SEMA6D: variants seen among roughly 807,000 people sequenced by gnomAD.
SEMA6D encodes semaphorin 6D.
A neutral mutation model predicts 106.6 loss-of-function variants in SEMA6D; 35 were observed. The observed-to-expected ratio is 0.33, with a 90% CI of 0.25 to 0.44. The LOEUF (loss-of-function observed/expected upper bound fraction) is 0.44. Ranked by LOEUF, SEMA6D falls within the 20% of genes least tolerant of loss-of-function variation. The pLI, the probability that SEMA6D is intolerant of heterozygous loss-of-function variation, is 1.00. For synonymous variants in SEMA6D, 499 were observed against 487.7 expected (o/e 1.02, Z -0.31); for missense variants, 1,185 against 1,345.9 (o/e 0.88, Z 1.87).
chr15:47,344,230 C>G (rs765369754), intron 1 of SEMA6D, among the ~76,000 whole-genome samples: 3 of 152,146 alleles, frequency 2.0e-5, no homozygotes, highest in Non-Finnish European at 2.9e-5. Context: ...AATCTTATCA[C>G]TACTGTGTTA....
intron 3 of SEMA6D, among the ~76,000 whole-genome samples, chr15:47,534,268 G>A (rs925421243): frequency 2.6e-5 from 4 of 152,000 alleles, no homozygotes; most frequent in South Asian, 2.1e-4. Context: ...TCGGCTCACT[G>A]CAACCTCTGC....
intron 1 of SEMA6D, among the ~76,000 whole-genome samples, chr15:47,191,678 A>T (rs117275626): frequency 0.028 from 4,300 of 152,336 alleles, 105 homozygotes; most frequent in Middle Eastern, 0.11. Context: ...GAAAAATTAA[A>T]TGTATCAAAT....
chr15:47,361,747 T>A (rs773435461), intron 1 of SEMA6D, among the ~76,000 whole-genome samples: 2 of 152,182 alleles, frequency 1.3e-5, no homozygotes, highest in Non-Finnish European at 2.9e-5. Flanking sequence ...GTGCCTCTAT[T>A]GCAGACTACC....
chr15:47,690,454 G>T (rs930075097), intron 4 of SEMA6D, among the ~76,000 whole-genome samples: 1 of 152,118 alleles, frequency 6.6e-6, no homozygotes, highest in Non-Finnish European at 1.5e-5. Context: ...TCTCCACAAA[G>T]AACTCATTTT....
intron 1 of SEMA6D, among the ~76,000 whole-genome samples, chr15:47,258,922 T>C (rs1484529283): frequency 1.3e-5 from 2 of 152,186 alleles, no homozygotes; most frequent in Non-Finnish European, 2.9e-5. Context: ...TCTTGCCTTC[T>C]GTGTATTACT....
intron 4 of SEMA6D, among the ~76,000 whole-genome samples, chr15:47,652,489 T>C (rs1341586652): frequency 6.6e-6 from 1 of 152,194 alleles, no homozygotes; most frequent in African/African-American, 2.4e-5. Flanking sequence ...CCGCTCCCCT[T>C]CTTCAAAAAC....
At chr15:47,764,129 G>C (rs1233567596) in intron 10 of SEMA6D, 45 bp from the exon 11 acceptor site, 1 of 1,612,816 alleles carries the variant, frequency 6.2e-7, no homozygotes, top group African/African-American at 1.3e-5. Context: ...ACCAAGACAG[G>C]CTTCATGTCG....
intron 4 of SEMA6D, among the ~76,000 whole-genome samples, chr15:47,657,115 C>CATTTT (rs2077812885): frequency 6.6e-6 from 1 of 152,054 alleles, no homozygotes; most frequent in Admixed American, 6.5e-5. Flanking sequence ...AGAAATTGTA[C>CATTTT]AGTTTGATTC....
At chr15:47,559,505 C>T (rs967388878) in intron 3 of SEMA6D, among the ~76,000 whole-genome samples, 1 of 152,100 alleles carries the variant, frequency 6.6e-6, no homozygotes, top group African/African-American at 2.4e-5. Flanking sequence ...GAGAATTATA[C>T]ATATTGGAGC....
chr15:47,268,291 C>T (rs546903653), intron 1 of SEMA6D, among the ~76,000 whole-genome samples: 1 of 152,280 alleles, frequency 6.6e-6, no homozygotes, highest in African/African-American at 2.4e-5. Context: ...CTGACCTAGA[C>T]CTTCCATTTA....
At chr15:47,667,904 C>T (rs1296016093) in intron 4 of SEMA6D, among the ~76,000 whole-genome samples, 1 of 152,180 alleles carries the variant, frequency 6.6e-6, no homozygotes, top group Non-Finnish European at 1.5e-5. Context: ...TCCCAGAGTC[C>T]TAGAGCTGCA....
intron 1 of SEMA6D, among the ~76,000 whole-genome samples, chr15:47,724,543 G>C (rs941427193): frequency 1.3e-5 from 2 of 152,138 alleles, no homozygotes; most frequent in African/African-American, 4.8e-5. Context: ...TCTTGAACTA[G>C]GTAGGATTTG....
rs1255929381 is a variant in SEMA6D at position 47,545,625 on chromosome 15, C to T, written c.-86-55240C>T. ...CATTATTGGATTAATCTAAATCTAA[C>T]TTCTAAGATTTAAGTAAATATAATC... On this transcript the variant is annotated intron_variant, in intron 3 of 19. Transcript: ENST00000558014. Among the ~76,000 whole-genome samples, 3 of 152,134 alleles carry T rather than the reference C, an allele frequency of 2.0e-5. No homozygotes were observed. In the East Asian group the frequency reaches 5.8e-4, roughly 29 times the overall value.
At chr15:47,746,093 T>C (rs1198792649) in intron 1 of SEMA6D, among the ~76,000 whole-genome samples, 1 of 152,160 alleles carries the variant, frequency 6.6e-6, no homozygotes, top group Non-Finnish European at 1.5e-5. Flanking sequence ...CAAATACTAA[T>C]ACAAAGGCCT....
intron 1 of SEMA6D, among the ~76,000 whole-genome samples, chr15:47,223,393 C>T (rs1467855524): frequency 6.6e-6 from 1 of 152,032 alleles, no homozygotes. Flanking sequence ...TTTGTAGTGT[C>T]TTGTTTTTCC....
chr15:47,527,042 C>G (rs545124482), intron 3 of SEMA6D, among the ~76,000 whole-genome samples: 2 of 152,086 alleles, frequency 1.3e-5, no homozygotes, highest in East Asian at 1.9e-4. Flanking sequence ...CGGCCTGAAC[C>G]AGTAATTCTT....
chr15:47,481,606 A>T (rs2039864127), intron 3 of SEMA6D, among the ~76,000 whole-genome samples: 1 of 152,156 alleles, frequency 6.6e-6, no homozygotes, highest in African/African-American at 2.4e-5. Context: ...AAGTGAGGCC[A>T]CTGACAGTCC....
chr15:47,277,631 C>T (rs2034889936), intron 1 of SEMA6D, among the ~76,000 whole-genome samples: 3 of 129,902 alleles, frequency 2.3e-5, no homozygotes, highest in African/African-American at 8.4e-5. Flanking sequence ...TATTATTATA[C>T]TTTAAGTTTT....
chr15:47,766,825 C>T (rs2082367364), intron 16 of SEMA6D, 148 bp downstream of exon 16: 1 of 656,314 alleles, frequency 1.5e-6, no homozygotes, highest in Admixed American at 3.1e-5. Flanking sequence ...GCTGTTCGGT[C>T]ATGGGGATAC....
Sources: allele counts gnomAD v4.1 joint callset (sites outside exome capture counted in the v4.1 genomes callset), GRCh38; gene constraint gnomAD v4.1.1; transcripts MANE v1.5; gene names NCBI Gene and HGNC (gene_info 2026-07-23, HGNC 2026-07-21).